TPD52: variants seen among roughly 807,000 people sequenced by gnomAD.
TPD52 encodes tumor protein D52, also known as prostate and colon associated protein.
A neutral mutation model predicts 31.3 loss-of-function variants in TPD52; 17 were observed. The observed-to-expected ratio is 0.54, with a 90% CI of 0.37 to 0.82. The LOEUF (loss-of-function observed/expected upper bound fraction) is 0.82, where lower values mean the gene tolerates loss of function less well. TPD52 is among the 40% of genes least tolerant of loss of function. The probability of loss-of-function intolerance (pLI) is 0.00; values close to 1 mark genes in which losing one functional copy is unlikely to be tolerated. For synonymous variants in TPD52, 83 were observed against 89.6 expected (o/e 0.93, Z 0.42); for missense variants, 212 against 240.1 (o/e 0.88, Z 0.77).
intron 1 of TPD52, among the ~76,000 whole-genome samples, chr8:80,106,885 T>C (rs1807168056): frequency 6.8e-6 from 1 of 148,078 alleles, no homozygotes; most frequent in African/African-American, 2.5e-5. Context: ...GGAGTTTCGC[T>C]CTGTTGCCCA....
chr8:80,046,821 A>AT (rs1242838340), intron 5 of TPD52, among the ~76,000 whole-genome samples: 7 of 152,258 alleles, frequency 4.6e-5, no homozygotes, highest in Middle Eastern at 6.8e-3. Flanking sequence ...TGAAAAAGTC[A>AT]TTTTTTTAAA....
At chr8:80,132,639 C>T (rs904570934) in intron 1 of TPD52, among the ~76,000 whole-genome samples, 3 of 152,158 alleles carry the variant, frequency 2.0e-5, no homozygotes, top group African/African-American at 7.2e-5. Context: ...ATTCAGGATC[C>T]TATGGGCAGG....
At chr8:80,110,902 T>C (rs929431841) in intron 1 of TPD52, among the ~76,000 whole-genome samples, 2 of 152,176 alleles carry the variant, frequency 1.3e-5, no homozygotes, top group Non-Finnish European at 2.9e-5. Flanking sequence ...ATCCATCAAC[T>C]GCTGAATGCT....
intron 1 of TPD52, among the ~76,000 whole-genome samples, chr8:80,091,705 G>C (rs1816288688): frequency 6.6e-6 from 1 of 152,124 alleles, no homozygotes; most frequent in Non-Finnish European, 1.5e-5. Context: ...CATGATTACA[G>C]GCTCAGGTAA....
intron 1 of TPD52, among the ~76,000 whole-genome samples, chr8:80,157,938 A>C (rs1465828285): frequency 6.6e-6 from 1 of 152,200 alleles, no homozygotes; most frequent in Non-Finnish European, 1.5e-5. Context: ...TGGCATCCAC[A>C]GGCATAGCAA....
chr8:80,152,238 C>T (rs951095081), intron 1 of TPD52, among the ~76,000 whole-genome samples: 1 of 152,262 alleles, frequency 6.6e-6, no homozygotes, highest in East Asian at 1.9e-4. Flanking sequence ...AGGTAGAGAG[C>T]TGACCGGGGA....
chr8:80,087,984 T>C (rs571601830), intron 1 of TPD52, among the ~76,000 whole-genome samples: 1 of 152,320 alleles, frequency 6.6e-6, no homozygotes, highest in East Asian at 1.9e-4. Flanking sequence ...CAGCTAATCC[T>C]CAAAACCTCT....
intron 1 of TPD52, among the ~76,000 whole-genome samples, chr8:80,170,709 T>C (rs932191646): frequency 2.6e-5 from 4 of 152,218 alleles, no homozygotes; most frequent in African/African-American, 9.7e-5. Flanking sequence ...ATGAAACTAT[T>C]TAAATCTGAA....
At position 80,140,950 on chromosome 8, in the gene TPD52, C is replaced by CGTGTGTGTGTGTGTGTGT. The variant is rs142097159; in HGVS notation, c.19+30457_19+30474dup. 3.8e-3 allele frequency among the ~76,000 whole-genome samples: 553 copies of CGTGTGTGTGTGTGTGTGT among 143,766 alleles called. 9 individuals carry two copies. The highest frequency in any genetic ancestry group is 0.012 in the African/African-American group (450 of 38,396). 94.3% of individuals were successfully genotyped at this position (143,766 alleles called of 152,430 possible). A position where few individuals can be genotyped will look rare whatever the true frequency, so the allele number is the denominator to read the frequency against. ...GAGCATTTTCAGGGGCAATACAACT[C>CGTGTGTGTGTGTGTGTGT]GTGTGTGTGTGTGTGTGTGTGTGTG... On this transcript the variant is annotated intron_variant, in intron 1 of 7. Transcript: ENST00000518937.
rs867088491 is a variant in TPD52, at chr8:80,053,380, C to T, written c.186G>A (p.Lys62=). 6.2e-7 allele frequency: 1 copy of T among 1,613,692 alleles called. No homozygotes were observed. Residue 62 remains lysine (K), a synonymous_variant, in exon 3 of 8, where the codon AAG becomes AAA. Coordinates refer to ENST00000518937, the MANE Select transcript of TPD52 (RefSeq NM_001025253.3). ...TLSQVLAAKE[K]HLAEIKRKLG... ...GTTTCCGCTTGATCTCTGCTAGATGCTTCTCTTTTGCTGCTAACACTTGAG... is the reference window on the plus strand; with the variant it reads ...GTTTCCGCTTGATCTCTGCTAGATGTTTCTCTTTTGCTGCTAACACTTGAG...
At chr8:80,042,840 C>G (rs1187409130) in intron 6 of TPD52, 172 bp from the exon 7 acceptor site, 106 of 530,186 alleles carry the variant, frequency 2.0e-4, no homozygotes, top group Non-Finnish European at 1.6e-5. Flanking sequence ...GTAAGATTCT[C>G]AATTTCTGAT....
intron 1 of TPD52, among the ~76,000 whole-genome samples, chr8:80,120,671 T>C: frequency 6.6e-6 from 1 of 152,134 alleles, no homozygotes; most frequent in Non-Finnish European, 1.5e-5. Flanking sequence ...AAACAGAATG[T>C]TTACTAAAAT....
At chr8:80,129,745 G>T (rs1311525075) in intron 1 of TPD52, among the ~76,000 whole-genome samples, 1 of 145,652 alleles carries the variant, frequency 6.9e-6, no homozygotes, top group Non-Finnish European at 1.5e-5. Context: ...CATCACCCAG[G>T]CTGGAGTGCA....
intron 1 of TPD52, among the ~76,000 whole-genome samples, chr8:80,153,540 C>A (rs1302295535): frequency 1.3e-5 from 2 of 152,222 alleles, no homozygotes; most frequent in Admixed American, 1.3e-4. Context: ...GCTACACTGG[C>A]ATCATAACAT....
chr8:80,087,031 G>GA (rs1815857803), intron 1 of TPD52, among the ~76,000 whole-genome samples: 1 of 152,042 alleles, frequency 6.6e-6, no homozygotes, highest in African/African-American at 2.4e-5. Flanking sequence ...AAATTGCTCA[G>GA]AAAATAAGAG....
At chr8:80,087,135 CT>C (rs912655496) in intron 1 of TPD52, among the ~76,000 whole-genome samples, 91 of 151,492 alleles carry the variant, frequency 6.0e-4, no homozygotes, top group Middle Eastern at 3.4e-3. Flanking sequence ...TGCAGGTGTC[CT>C]TTTTTTTTCC....
At chr8:80,052,490 T>A (rs1811471584) in intron 3 of TPD52, 1 of 471,134 alleles carries the variant, frequency 2.1e-6, no homozygotes, top group African/African-American at 2.1e-5. Flanking sequence ...GTTTTCCCAC[T>A]GCCAACTTAG....
At chr8:80,078,220 T>C (rs1814814459) in intron 1 of TPD52, among the ~76,000 whole-genome samples, 1 of 152,236 alleles carries the variant, frequency 6.6e-6, no homozygotes, top group African/African-American at 2.4e-5. Context: ...TCTCATTACT[T>C]TCCCGTTTGC....
At chr8:80,171,118 A>G in intron 1 of TPD52, 1 of 671,184 alleles carries the variant, frequency 1.5e-6, no homozygotes, top group South Asian at 1.5e-5. Flanking sequence ...TTTCCACCCA[A>G]AGCGCATCAC....
Sources: allele counts gnomAD v4.1 joint callset (sites outside exome capture counted in the v4.1 genomes callset), GRCh38; gene constraint gnomAD v4.1.1; transcripts MANE v1.5; gene names NCBI Gene and HGNC (gene_info 2026-07-23, HGNC 2026-07-21).